The following ASIC2 variants were observed in gnomAD, a reference collection of about 807,000 sequenced individuals.
The protein encoded by ASIC2 is acid sensing ion channel subunit 2.
In ASIC2, 25 loss-of-function variants were observed where a neutral mutation model predicts 57.3. The observed-to-expected ratio is 0.44, with a 90% confidence interval of 0.32 to 0.61. ASIC2 has a LOEUF of 0.61. Ranked by LOEUF, ASIC2 falls within the 20% of genes least tolerant of loss-of-function variation. The pLI is 0.06. For missense variants in ASIC2, 641 were observed against 738.1 expected, an observed-to-expected ratio of 0.87 and a Z score of 1.52; for synonymous variants, 319 against 307.5, an observed-to-expected ratio of 1.04 and a Z score of -0.39.
rs142162539 is a variant in ASIC2, at chr17:34,021,723, C to G, written c.555+134255G>C. ...AGCAGAGATTCACAGTGTTAGGTCA[C>G]ATAGGGACATCTTAAAAATACTGAT... On this transcript the variant is annotated intron_variant, in intron 1 of 9. Coordinates refer to the ASIC2 transcript ENST00000359872. Among the ~76,000 whole-genome samples the G allele has an allele frequency of 3.5e-4, 53 of 152,170 alleles. No individual in the cohort carries two copies. The East Asian group carries it at 9.6e-3, about 28-fold the overall frequency.
intron 1 of ASIC2, among the ~76,000 whole-genome samples, chr17:33,498,438 T>C (rs778391206): frequency 4.0e-5 from 6 of 151,700 alleles, no homozygotes; most frequent in African/African-American, 7.3e-5. Context: ...GGTGAGTGAG[T>C]GTTATGCCCA....
chr17:33,855,344 G>T (rs182775149), intron 1 of ASIC2, among the ~76,000 whole-genome samples: 82 of 152,246 alleles, frequency 5.4e-4, no homozygotes, highest in Admixed American at 2.0e-4. Flanking sequence ...AGAGTTGGAC[G>T]CAATTCTTGG....
intron 1 of ASIC2, among the ~76,000 whole-genome samples, chr17:33,346,121 A>C (rs1250669800): frequency 6.7e-6 from 1 of 148,508 alleles, no homozygotes; most frequent in East Asian, 2.1e-4. Context: ...CAGCTACTTG[A>C]GAGGCTGAGG....
At chr17:33,841,700 G>T (rs35379597) in intron 1 of ASIC2, among the ~76,000 whole-genome samples, 4 of 152,182 alleles carry the variant, frequency 2.6e-5, no homozygotes, top group African/African-American at 9.7e-5. Context: ...AGAGAGGGAG[G>T]CATCAGTCAG....
chr17:34,051,494 T>C (rs12449864), intron 1 of ASIC2, among the ~76,000 whole-genome samples: 28,254 of 152,188 alleles, frequency 0.19, 3,358 homozygotes, highest in African/African-American at 0.33. Flanking sequence ...AATTGCCTTA[T>C]TAATTGCAAA....
intron 1 of ASIC2, among the ~76,000 whole-genome samples, chr17:33,633,368 G>T (rs1006561051): frequency 1.3e-5 from 2 of 152,196 alleles, no homozygotes; most frequent in Non-Finnish European, 2.9e-5. Context: ...ATCACGAGTG[G>T]ACTCTGGGAC....
chr17:33,824,672 T>C (rs1912851715), intron 1 of ASIC2, among the ~76,000 whole-genome samples: 1 of 152,154 alleles, frequency 6.6e-6, no homozygotes, highest in Non-Finnish European at 1.5e-5. Context: ...CACGTCCCCA[T>C]GTGTTGTGGG....
chr17:33,224,650 T>G (rs1048319110), intron 1 of ASIC2, among the ~76,000 whole-genome samples: 3 of 152,240 alleles, frequency 2.0e-5, no homozygotes, highest in Admixed American at 6.5e-5. Context: ...GAATTCTCAC[T>G]GCCATTCAAT....
At chr17:33,051,973 T>G (rs2091978618) in intron 3 of ASIC2, 2 of 152,138 alleles carry the variant, frequency 1.3e-5, no homozygotes, top group African/African-American at 4.8e-5. Flanking sequence ...TGTTTACGAA[T>G]CATTAGCTAC....
At position 34,071,052 on chromosome 17, in the gene ASIC2, T is replaced by G. The variant is rs1321000904; in HGVS notation, c.555+84926A>C. 2.0e-5 allele frequency: 3 copies of G among 152,186 alleles called. No individual in the cohort carries two copies. The East Asian group carries it at 5.8e-4, about 29-fold the overall frequency. 9.4% of individuals were successfully genotyped at this position (152,186 alleles called of 1,614,324 possible). A position where few individuals can be genotyped will look rare whatever the true frequency, so the allele number is the denominator to read the frequency against. On this transcript the variant is annotated intron_variant, in intron 1 of 9. Transcript: ENST00000359872. ...AAGCTGTGGGAAGATATGACGTACT[T>G]CTCAGAAGTCCAGAAGTCAGTAGGT...
At chr17:33,582,222 G>A (rs893056684) in intron 1 of ASIC2, among the ~76,000 whole-genome samples, 4 of 152,326 alleles carry the variant, frequency 2.6e-5, no homozygotes, top group African/African-American at 7.2e-5. Context: ...ACAGTAATGC[G>A]TTGTGAGCAC....
intron 1 of ASIC2, among the ~76,000 whole-genome samples, chr17:33,437,899 T>C (rs72821178): frequency 0.069 from 10,575 of 152,236 alleles, 484 homozygotes; most frequent in Middle Eastern, 0.12. Flanking sequence ...CCTCTAGACA[T>C]TTGAAGAGAT....
Position 33,016,218 on chromosome 17 carries a change from T to C in ASIC2, c.1522-179A>G, listed in dbSNP as rs144775533. On this transcript the variant is annotated intron_variant, in intron 8 of 9. Transcript: ENST00000225823. ...GCCTGTCTGTCTCAACCCAGCCTTT[T>C]GGCTGAAATGGGATTTTGTTGCAGG... is the stretch of plus-strand genomic sequence containing the variant. 3.3e-4 allele frequency among the ~76,000 whole-genome samples: 51 copies of C among 152,314 alleles called. 1 individual carries two copies. The highest frequency in any genetic ancestry group is 3.4e-3 in the Middle Eastern group (1 of 294).
intron 1 of ASIC2, among the ~76,000 whole-genome samples, chr17:33,604,912 G>T (rs1370288152): frequency 6.6e-6 from 1 of 152,112 alleles, no homozygotes; most frequent in Non-Finnish European, 1.5e-5. Flanking sequence ...AAGTCACAAA[G>T]CTAGTTAGAA....
chr17:33,879,956 CA>C (rs1263174335), intron 1 of ASIC2, among the ~76,000 whole-genome samples: 1 of 152,168 alleles, frequency 6.6e-6, no homozygotes, highest in South Asian at 2.1e-4. Context: ...GAAACTCACT[CA>C]AAACTGCTCA....
In ASIC2 at chr17:33,415,877, G is replaced by A. The variant is rs779451352; in HGVS notation, c.556-303810C>T. Among the ~76,000 whole-genome samples the A allele has an allele frequency of 1.2e-4, 19 of 152,360 alleles. 1 individual carries two copies. In the East Asian group the frequency reaches 3.1e-3, roughly 25 times the overall value. On this transcript the variant is annotated intron_variant, in intron 1 of 9. Transcript: ENST00000359872. ...ACCCAGGATACTTGAGGAGAAGGCT[G>A]TACTCCTCTCTGTTCCGCCTGGAAC...
chr17:33,046,726 T>C (rs2091956705), intron 3 of ASIC2, among the ~76,000 whole-genome samples: 1 of 152,216 alleles, frequency 6.6e-6, no homozygotes, highest in Non-Finnish European at 1.5e-5. Flanking sequence ...GTTGAGCCCC[T>C]GCATGGGTGG....
intron 1 of ASIC2, among the ~76,000 whole-genome samples, chr17:33,487,824 C>T (rs956042611): frequency 1.2e-4 from 18 of 152,178 alleles, no homozygotes; most frequent in African/African-American, 4.3e-4. Flanking sequence ...ACATCAGATT[C>T]CAAGTTCCTC....
At chr17:33,356,739 A>G (rs1167801994) in intron 1 of ASIC2, among the ~76,000 whole-genome samples, 1 of 152,180 alleles carries the variant, frequency 6.6e-6, no homozygotes, top group Non-Finnish European at 1.5e-5. Flanking sequence ...CCCGAGGAGC[A>G]TGAAGATCTC....
Sources: allele counts gnomAD v4.1 joint callset (sites outside exome capture counted in the v4.1 genomes callset), GRCh38; gene constraint gnomAD v4.1.1; transcripts MANE v1.5; gene names NCBI Gene and HGNC (gene_info 2026-07-23, HGNC 2026-07-21).